AADAT: variants seen among roughly 807,000 people sequenced by gnomAD.
AADAT encodes the protein kynurenine/alpha-aminoadipate aminotransferase, mitochondrial.
Under a neutral mutation model 56.2 loss-of-function variants are expected in AADAT, and 25 were observed. That is an observed-to-expected ratio of 0.44 (90% CI 0.32 to 0.62). AADAT has a LOEUF of 0.62. AADAT is among the 20% of genes least tolerant of loss of function. AADAT has a pLI of 0.04. For synonymous variants in AADAT, 173 were observed against 164.7 expected, an observed-to-expected ratio of 1.05 and a Z score of -0.39; for missense variants, 387 against 510.5, an observed-to-expected ratio of 0.76 and a Z score of 2.33.
rs1561013760 is a variant in AADAT, at chr4:170,069,137, C to G, written c.803+11G>C. On this transcript the variant is annotated intron_variant, in intron 7 of 12. Coordinates refer to ENST00000337664, the MANE Select transcript of AADAT (RefSeq NM_016228.4). ...TAGATCTAGCGTCAAGTTAGAGACA[C>G]AGGGCCTTACCCAGAGGAAATGATT... The G allele has an allele frequency of 6.2e-7, 1 of 1,611,412 alleles. No homozygotes were observed. The highest frequency in any genetic ancestry group is 1.1e-5 in the South Asian group (1 of 90,740).
chr4:170,088,897 G>T (rs1732696422), intron 1 of AADAT, among the ~76,000 whole-genome samples: 1 of 151,982 alleles, frequency 6.6e-6, no homozygotes. Context: ...ACGTGAGGAT[G>T]CAGCAAGATG....
At position 170,075,700 on chromosome 4, in the gene AADAT, T is replaced by C. The variant is rs532693678; in HGVS notation, c.445-2355A>G. Among the ~76,000 whole-genome samples the C allele has an allele frequency of 2.6e-5, 4 of 152,304 alleles. No homozygotes were observed. The East Asian group carries it at 7.7e-4, about 29-fold the overall frequency. ...ACCTCTGTCTATTTCCAAAACTTTT[T>C]CCTCACCCCAAATAGAGACTCTGTA... On this transcript the variant is annotated intron_variant, in intron 4 of 12. Coordinates refer to ENST00000337664, the MANE Select transcript of AADAT (RefSeq NM_016228.4).
chr4:170,082,944 G>A (rs954566103), intron 3 of AADAT, among the ~76,000 whole-genome samples: 2 of 151,220 alleles, frequency 1.3e-5, no homozygotes, highest in African/African-American at 4.9e-5. Context: ...ATAATAGTAG[G>A]AGACTTTTTA....
At chr4:170,092,352 C>G (rs545714019), upstream of AADAT, among the ~76,000 whole-genome samples, 6 of 152,208 alleles carry the variant, frequency 3.9e-5, no homozygotes, top group African/African-American at 1.4e-4. Flanking sequence ...GTAAACAAAT[C>G]CAGCCGAGCT....
chr4:170,076,903 G>A (rs1284222508), intron 4 of AADAT, among the ~76,000 whole-genome samples: 1 of 152,066 alleles, frequency 6.6e-6, no homozygotes, highest in Non-Finnish European at 1.5e-5. Flanking sequence ...TGAAGTAAGG[G>A]TCCAAGTTCT....
intron 10 of AADAT, among the ~76,000 whole-genome samples, chr4:170,065,407 C>T (rs186139215): frequency 3.9e-5 from 6 of 152,094 alleles, no homozygotes; most frequent in African/African-American, 7.2e-5. Context: ...ATTTAAATTA[C>T]TATCTTTTTA....
chr4:170,067,475 C>T, intron 8 of AADAT, 87 bp from the exon 9 acceptor site: 1 of 962,490 alleles, frequency 1.0e-6, no homozygotes, highest in African/African-American at 1.6e-5. Context: ...CTTTTGATTA[C>T]ATGTAAACCA....
intron 1 of AADAT, chr4:170,089,288 G>A: frequency 1.9e-6 from 1 of 524,988 alleles, no homozygotes; most frequent in Admixed American, 2.4e-5. Flanking sequence ...ACACCCATCT[G>A]CACGCTGTGC....
At chr4:170,062,585 C>G (rs1449806026) in intron 11 of AADAT, among the ~76,000 whole-genome samples, 2 of 152,186 alleles carry the variant, frequency 1.3e-5, no homozygotes, top group Non-Finnish European at 2.9e-5. Flanking sequence ...GTGGTCGGAA[C>G]AGCTGCTGTT....
intron 3 of AADAT, among the ~76,000 whole-genome samples, chr4:170,085,510 G>T (rs1182740872): frequency 7.2e-5 from 11 of 152,300 alleles, no homozygotes. Flanking sequence ...AAGCATGTCT[G>T]TAAGTAGTAA....
At chr4:170,066,183 T>A (rs1355635186) in intron 10 of AADAT, among the ~76,000 whole-genome samples, 1 of 152,120 alleles carries the variant, frequency 6.6e-6, no homozygotes, top group African/African-American at 2.4e-5. Flanking sequence ...TTTAGATCTT[T>A]TTTTTTTTAA....
At position 170,060,680 on chromosome 4, in the gene AADAT, C is replaced by A. The variant is rs1353226536; in HGVS notation, c.*248G>T. 5.7e-6 allele frequency: 2 copies of A among 350,756 alleles called. No homozygotes were observed. Among genetic ancestry groups the A allele is most frequent in the Non-Finnish European group, 1.0e-5 (2 of 197,038 alleles). The allele number at this position is 350,756 out of a possible 1,614,324, so 21.7% of individuals were successfully genotyped here. On this transcript the variant is annotated 3_prime_UTR_variant, in exon 13 of 13. Coordinates refer to ENST00000337664, the MANE Select transcript of AADAT (RefSeq NM_016228.4). ...GTCTAATACCAGTGTTCATTTCTTC[C>A]TGCCAAAACAAGAAATTTATTGGAA...
In AADAT at chr4:170,062,102, G is replaced by C. The variant is rs1463357936; in HGVS notation, c.1135-109C>G. The stretch of plus-strand genomic sequence containing the variant: ...GAAGGATGTTTTAAGTTTAAAAGCA[G>C]TTAAAGAAATCACAAGAAAAAATAC... On this transcript the variant is annotated intron_variant, in intron 11 of 12. Coordinates refer to ENST00000337664, the MANE Select transcript of AADAT (RefSeq NM_016228.4). 4.8e-6 allele frequency: 3 copies of C among 621,522 alleles called. No homozygotes were observed. The African/African-American group carries it at 5.5e-5, about 11-fold the overall frequency. 38.5% of individuals were successfully genotyped at this position (621,522 alleles called of 1,614,324 possible).
rs1397663768 is a variant in AADAT at position 170,087,255 on chromosome 4, C to T, written c.237-7G>A. The T allele has an allele frequency of 6.2e-7, 1 of 1,600,368 alleles. No homozygotes were observed. The highest frequency in any genetic ancestry group is 1.4e-5 in the African/African-American group (1 of 73,668). On this transcript the variant is annotated splice_polypyrimidine_tract_variant and splice_region_variant and intron_variant, in intron 2 of 12. Transcript: ENST00000337664. ...GGACAAAAGCTCTGGAATTCTAAAG[C>T]AAAAAATGTATATTTAAATTCATAG...
rs144402827 is a variant in AADAT at position 170,083,915 on chromosome 4, C to T, written c.369+3201G>A. Among the ~76,000 whole-genome samples the T allele has an allele frequency of 4.5e-3, 691 of 152,186 alleles. 2 individuals carry two copies. Among genetic ancestry groups the T allele is most frequent in the African/African-American group, 0.014 (591 of 41,548 alleles). ...ATCCAAAACAAAAACATCAATATAT[C>T]AAAGAAGTATCTGCACCTCCATGTT... is the stretch of plus-strand genomic sequence containing the variant. On this transcript the variant is annotated intron_variant, in intron 3 of 12. Transcript: ENST00000337664.
rs866134630 is a variant in AADAT, at chr4:170,087,363, C to A, written c.237-115G>T. The stretch of plus-strand genomic sequence containing the variant: ...GCACTTTGTACACTCAATTAAAAAA[C>A]CCTCAAATGCTTTTTGCCAGTATGA... On this transcript the variant is annotated intron_variant, in intron 2 of 12. Coordinates refer to ENST00000337664, the MANE Select transcript of AADAT (RefSeq NM_016228.4). The A allele has an allele frequency of 4.2e-6, 4 of 945,346 alleles. No homozygotes were observed. In the African/African-American group the frequency reaches 5.0e-5, roughly 12 times the overall value. The allele number at this position is 945,346 out of a possible 1,614,324, so 58.6% of individuals were successfully genotyped here.
chr4:170,062,510 G>A (rs992164370), intron 11 of AADAT, among the ~76,000 whole-genome samples: 3 of 152,178 alleles, frequency 2.0e-5, no homozygotes, highest in Admixed American at 1.3e-4. Context: ...AGAACTGAAA[G>A]GAGGTAAAAA....
chr4:170,080,987 T>G (rs993863312), intron 3 of AADAT, among the ~76,000 whole-genome samples: 1 of 152,178 alleles, frequency 6.6e-6, no homozygotes, highest in East Asian at 1.9e-4. Context: ...AGATGGCAAT[T>G]TGTCAGCTTT....
chr4:170,078,606 G>C (rs186626938), intron 3 of AADAT, 23 bp from the exon 4 acceptor site: 396 of 1,557,822 alleles, frequency 2.5e-4, no homozygotes, highest in Non-Finnish European at 2.9e-4. Flanking sequence ...GCATAGGTTA[G>C]CTTGTTAGTC....
Sources: gnomAD v4.1 joint callset for allele counts (sites outside exome capture counted in the v4.1 genomes callset) on GRCh38, gnomAD v4.1.1 for gene constraint, MANE v1.5 for transcripts, NCBI Gene and HGNC (gene_info 2026-07-23, HGNC 2026-07-21) for gene names.